COL18A1: variants seen among roughly 807,000 people sequenced by gnomAD.
COL18A1 encodes the protein collagen alpha-1(XVIII) chain.
COL18A1 carries 133 observed loss-of-function variants against 168.0 expected under a neutral mutation model. The observed-to-expected ratio is 0.79, with a 90% CI of 0.69 to 0.91. The LOEUF is 0.91. Among genes scored for constraint, COL18A1 ranks in the 40% least tolerant of loss-of-function variants. COL18A1 has a pLI of 0.00. For synonymous variants in COL18A1, 949 were observed against 809.0 expected, an observed-to-expected ratio of 1.17 and a Z score of -2.94; for missense variants, 2,126 against 1,925.4, an observed-to-expected ratio of 1.10 and a Z score of -1.95.
At chr21:45,416,705 A>C (rs1463857414) in intron 2 of COL18A1, among the ~76,000 whole-genome samples, 2 of 152,130 alleles carry the variant, frequency 1.3e-5, no homozygotes, top group African/African-American at 4.8e-5. Context: ...CTGCATGCTG[A>C]CTAGCACACA....
At position 45,486,930 on chromosome 21, in the gene COL18A1, G is replaced by A. The variant is rs1418926425; in HGVS notation, c.1771G>A (p.Ala591Thr). ...CGGCCTGGCAGGAGCCCCCGGACCT[G>A]CTGGACCACCAGGCCCCCCTGGGCC... The part of the protein sequence containing the change: ...ESGLAGAPGP[A>T]GPPGPPGPPG... The change falls in exon 16 of 42, where the codon GCT (alanine) becomes ACT (threonine). Residue 591 changes from alanine to threonine, a missense_variant. By Grantham distance (58) the Ala-to-Thr change is moderately conservative (BLOSUM62 0). Transcript: ENST00000651438. 1 of 1,507,264 alleles carries A rather than the reference G, an allele frequency of 6.6e-7. No homozygotes were observed. The highest frequency in any genetic ancestry group is 1.4e-5 in the African/African-American group (1 of 71,020). The allele number at this position is 1,507,264 out of a possible 1,614,324, so 93.4% of individuals were successfully genotyped here. A position where few individuals can be genotyped will look rare whatever the true frequency, so the allele number is the denominator to read the frequency against.
intron 16 of COL18A1, 102 bp from the exon 17 acceptor site, chr21:45,487,345 C>A: frequency 7.1e-7 from 1 of 1,402,316 alleles, no homozygotes; most frequent in South Asian, 1.2e-5. Flanking sequence ...CACCGTGGCC[C>A]CAAAGCATGT....
chr21:45,507,345 A>C, intron 37 of COL18A1: 8 of 573,706 alleles, frequency 1.4e-5, no homozygotes, highest in Non-Finnish European at 1.3e-5. Context: ...GGTGCTGGGC[A>C]GGGAGGGCAC....
chr21:45,512,333 G>T lies in COL18A1; in HGVS notation c.3955G>T (p.Ala1319Ser). 2 of 1,612,626 alleles carry T rather than the reference G, an allele frequency of 1.2e-6. No individual in the cohort carries two copies. The highest frequency in any genetic ancestry group is 1.7e-6 in the Non-Finnish European group (2 of 1,179,816). Reference sequence around the variant, plus strand: ...GGGCAGGCTCCTGGGGCAGAGTGCCGCGAGCTGCCATCACGCCTACATCGT... The same window carrying T: ...GGGCAGGCTCCTGGGGCAGAGTGCCTCGAGCTGCCATCACGCCTACATCGT... ...LGGRLLGQSA[A>S]SCHHAYIVLC... Residue 1319 changes from alanine (A) to serine (S), a missense_variant, in exon 42 of 42, where the codon GCG becomes TCG. Ala to Ser is a moderately conservative substitution (Grantham distance 99). Coordinates refer to ENST00000651438, the MANE Select transcript of COL18A1 (RefSeq NM_001379500.1).
chr21:45,491,144 C>G, intron 21 of COL18A1, 81 bp from the exon 22 acceptor site: 1 of 1,276,776 alleles, frequency 7.8e-7, no homozygotes, highest in East Asian at 2.3e-5. Context: ...CTCTGGGCAC[C>G]CCCTCCAGGG....
rs73907540 is a variant in COL18A1, at chr21:45,493,728, C to T, written c.2352+153C>T. ...CCAGGCCTGGCCCTGGTGGCCCCTC[C>T]TTTCTCGCACCCATGTCGGCGGTTC... On this transcript the variant is annotated intron_variant, in intron 26 of 41. Coordinates refer to ENST00000651438, the MANE Select transcript of COL18A1 (RefSeq NM_001379500.1). 5.3e-3 allele frequency: 3,391 copies of T among 636,990 alleles called. 93 individuals carry two copies. In the African/African-American group the frequency reaches 0.055, roughly 10 times the overall value. The allele number at this position is 636,990 out of a possible 1,614,324, so 39.5% of individuals were successfully genotyped here. A position where few individuals can be genotyped will look rare whatever the true frequency, so the allele number is the denominator to read the frequency against.
intron 11 of COL18A1, 152 bp from the exon 12 acceptor site, chr21:45,480,315 C>T: frequency 7.0e-7 from 1 of 1,433,230 alleles, no homozygotes; most frequent in Admixed American, 1.9e-5. Context: ...CATCCACCTG[C>T]CTTCAGGCTT....
chr21:45,449,099 T>C (rs2034566232), intron 2 of COL18A1, among the ~76,000 whole-genome samples: 1 of 152,066 alleles, frequency 6.6e-6, no homozygotes, highest in African/African-American at 2.4e-5. Flanking sequence ...TTTGATCCTC[T>C]TGCTGCTCCT....
At chr21:45,494,071 C>T (rs2036450099) in intron 26 of COL18A1, 1 of 293,662 alleles carries the variant, frequency 3.4e-6, no homozygotes. Context: ...AAGCCTGGAT[C>T]TTTGGAGTGT....
In COL18A1 at chr21:45,505,491, C is replaced by A; in HGVS notation, c.3087+60C>A. ...CCCGTGCCCTGGCTGGTTCTGCAGC[C>A]CCTGCCCCTCAGAGACACTCTCCCA... is the stretch of plus-strand genomic sequence containing the variant. On this transcript the variant is annotated intron_variant, in intron 36 of 41. Coordinates refer to ENST00000651438, the MANE Select transcript of COL18A1 (RefSeq NM_001379500.1). The A allele has an allele frequency of 1.2e-5, 11 of 889,432 alleles. No individual in the cohort carries two copies. In the South Asian group the frequency reaches 1.5e-4, roughly 12 times the overall value. 55.1% of individuals were successfully genotyped at this position (889,432 alleles called of 1,614,324 possible).
At chr21:45,502,923 C>T (rs907143020) in intron 32 of COL18A1, 10 of 152,092 alleles carry the variant, frequency 6.6e-5, no homozygotes, top group South Asian at 2.1e-4. Flanking sequence ...GTCAATGTAC[C>T]GAAGTCACCA....
chr21:45,479,600 A>ACCCCACACACACACACACCATGCATACC (rs370161182), intron 9 of COL18A1, among the ~76,000 whole-genome samples: 1 of 144,928 alleles, frequency 6.9e-6, no homozygotes, highest in African/African-American at 2.5e-5. Flanking sequence ...CACCATGCAT[A>ACCCCACACACACACACACCATGCATACC]CCACACACAC....
In COL18A1 at chr21:45,487,065, TCTCA is replaced by T. The variant is rs2036140414; in HGVS notation, c.1833+79_1833+82del. ...TGCCCCAGCCCTACTACCCCTGGCA[TCTCA>T]CTCACAGAGCAGCACGTCCTGGGCG... is the stretch of plus-strand genomic sequence containing the variant. On this transcript the variant is annotated intron_variant, in intron 16 of 41. Coordinates refer to ENST00000651438, the MANE Select transcript of COL18A1 (RefSeq NM_001379500.1). 1.1e-5 allele frequency: 15 copies of T among 1,376,024 alleles called. No homozygotes were observed. The East Asian group carries it at 3.0e-4, about 28-fold the overall frequency. The allele number at this position is 1,376,024 out of a possible 1,614,324, so 85.2% of individuals were successfully genotyped here.
At chr21:45,467,247 C>G (rs2035244946) in intron 2 of COL18A1, 1 of 985,318 alleles carries the variant, frequency 1.0e-6, no homozygotes, top group Admixed American at 6.1e-5. Flanking sequence ...GGGGCTGCGT[C>G]CTGGCTTGGG....
At chr21:45,452,507 G>A (rs1013272959) in intron 2 of COL18A1, among the ~76,000 whole-genome samples, 9 of 144,318 alleles carry the variant, frequency 6.2e-5, no homozygotes, top group African/African-American at 1.5e-4. Context: ...GTGTATTCAC[G>A]TGACGTGTGA....
chr21:45,464,205 T>C (rs1290080958), intron 2 of COL18A1, among the ~76,000 whole-genome samples: 1 of 152,150 alleles, frequency 6.6e-6, no homozygotes, highest in African/African-American at 2.4e-5. Context: ...GTGGATCCCG[T>C]AGTCCCTCGG....
At chr21:45,476,828 T>C (rs117447400) in intron 6 of COL18A1, among the ~76,000 whole-genome samples, 5,668 of 151,498 alleles carry the variant, frequency 0.037, 133 homozygotes, top group Middle Eastern at 0.061. Context: ...GTGCAGTGCA[T>C]GTTGTGTTGT....
intron 2 of COL18A1, among the ~76,000 whole-genome samples, chr21:45,453,625 C>T (rs562320832): frequency 6.7e-4 from 102 of 152,110 alleles, no homozygotes; most frequent in Non-Finnish European, 1.2e-3. Flanking sequence ...GGACAGGAAG[C>T]TCTCAAAGCA....
intron 30 of COL18A1, 131 bp from the exon 31 acceptor site, chr21:45,496,917 GTC>G: frequency 4.2e-6 from 3 of 719,274 alleles, no homozygotes; most frequent in South Asian, 2.9e-5. Flanking sequence ...GTTCCCTCCC[GTC>G]TCTGACTGGG....
Sources: gnomAD v4.1 joint callset for allele counts (sites outside exome capture counted in the v4.1 genomes callset) on GRCh38, gnomAD v4.1.1 for gene constraint, MANE v1.5 for transcripts, NCBI Gene and HGNC (gene_info 2026-07-23, HGNC 2026-07-21) for gene names.